The following TRIO variants were observed in gnomAD, a reference collection of about 807,000 sequenced individuals.
The protein encoded by TRIO is trio Rho guanine nucleotide exchange factor.
In TRIO, 58 loss-of-function variants were observed where a neutral mutation model predicts 351.9. That is an observed-to-expected ratio of 0.16 (90% CI 0.13 to 0.21). The LOEUF (loss-of-function observed/expected upper bound fraction) is 0.21, where lower values mean the gene tolerates loss of function less well. Ranked by LOEUF, TRIO falls within the 10% of genes least tolerant of loss-of-function variation. TRIO has a pLI of 1.00. For synonymous variants in TRIO, 1,758 were observed against 1,595.7 expected (o/e 1.10, Z -2.42); for missense variants, 3,201 against 4,027.8 (o/e 0.79, Z 5.56).
chr5:14,288,150 G>A (rs1355958027), intron 4 of TRIO, among the ~76,000 whole-genome samples: 1 of 152,140 alleles, frequency 6.6e-6, no homozygotes, highest in Non-Finnish European at 1.5e-5. Context: ...ACAGTTTATT[G>A]GGTGTTAATT....
chr5:14,261,714 G>A (rs566068668), intron 1 of TRIO, among the ~76,000 whole-genome samples: 2 of 152,338 alleles, frequency 1.3e-5, no homozygotes, highest in South Asian at 2.1e-4. Context: ...GGAGGTGCTG[G>A]AACGACAAGC....
At chr5:14,443,135 CTCTA>C (rs1217551330) in intron 34 of TRIO, among the ~76,000 whole-genome samples, 3 of 151,958 alleles carry the variant, frequency 2.0e-5, no homozygotes, top group Non-Finnish European at 4.4e-5. Context: ...TTTTGTTTCT[CTCTA>C]TATATTTTTG....
At chr5:14,465,672 G>A (rs367877770) in intron 37 of TRIO, 32 bp downstream of exon 37, 5 of 1,610,498 alleles carry the variant, frequency 3.1e-6, no homozygotes, top group Non-Finnish European at 4.2e-6. Flanking sequence ...CTGACTTTTG[G>A]AAGCTGCTCT....
chr5:14,208,498 T>C (rs975797088), intron 1 of TRIO, among the ~76,000 whole-genome samples: 1 of 152,124 alleles, frequency 6.6e-6, no homozygotes, highest in African/African-American at 2.4e-5. Context: ...TGCCTTGGGG[T>C]ATGGGCCGGT....
At chr5:14,468,521 G>A (rs931348795) in intron 37 of TRIO, among the ~76,000 whole-genome samples, 11 of 152,228 alleles carry the variant, frequency 7.2e-5, no homozygotes, top group Admixed American at 4.6e-4. Flanking sequence ...CAGGGAATGC[G>A]ATCTAAATTC....
chr5:14,292,946 C>T (rs1012805578), intron 5 of TRIO, 66 bp from the exon 6 acceptor site: 2 of 1,607,944 alleles, frequency 1.2e-6, no homozygotes, highest in African/African-American at 2.7e-5. Context: ...ACTGCCCCAT[C>T]TGTGGGCTTG....
In TRIO at chr5:14,256,407, C is replaced by G. The variant is rs188070623; in HGVS notation, c.158-14418C>G. 1.1e-4 allele frequency among the ~76,000 whole-genome samples: 16 copies of G among 152,248 alleles called. No individual in the cohort carries two copies. The East Asian group carries it at 3.1e-3, about 29-fold the overall frequency. ...AGGGAACAAAACATCCAAACTATATCAAATGGTTATGCAGAAAGTCCGCAT... is the reference window on the plus strand; with the variant it reads ...AGGGAACAAAACATCCAAACTATATGAAATGGTTATGCAGAAAGTCCGCAT... On this transcript the variant is annotated intron_variant, in intron 1 of 56. Transcript: ENST00000344204.
At chr5:14,316,027 A>AT (rs575242020) in intron 8 of TRIO, among the ~76,000 whole-genome samples, 167 of 152,222 alleles carry the variant, frequency 1.1e-3, no homozygotes, top group Admixed American at 2.1e-3. Flanking sequence ...TGCTAGATTG[A>AT]TTTTTTTGTT....
intron 53 of TRIO, chr5:14,499,319 C>T (rs898402282): frequency 6.6e-6 from 1 of 152,452 alleles, no homozygotes; most frequent in Middle Eastern, 3.1e-3. Flanking sequence ...GGGGCAGAAC[C>T]AATATCTTAG....
intron 9 of TRIO, among the ~76,000 whole-genome samples, chr5:14,323,616 C>T (rs1450040769): frequency 6.6e-6 from 1 of 152,248 alleles, no homozygotes; most frequent in African/African-American, 2.4e-5. Context: ...CTATCTCAGG[C>T]CTCCCTTGCT....
chr5:14,505,268 G>A (rs576746123), intron 55 of TRIO, among the ~76,000 whole-genome samples: 9 of 152,358 alleles, frequency 5.9e-5, no homozygotes, highest in South Asian at 4.1e-4. Context: ...GGGTGAGTCC[G>A]GCAGGGAGCG....
At chr5:14,367,068 A>T in intron 16 of TRIO, 89 bp downstream of exon 16, 1 of 1,555,244 alleles carries the variant, frequency 6.4e-7, no homozygotes, top group Non-Finnish European at 8.7e-7. Flanking sequence ...GACCATGGGA[A>T]CCACATGGGG....
At chr5:14,414,170 C>T (rs1408097760) in intron 33 of TRIO, among the ~76,000 whole-genome samples, 2 of 152,226 alleles carry the variant, frequency 1.3e-5, no homozygotes, top group Non-Finnish European at 2.9e-5. Flanking sequence ...TCCCCGCCCT[C>T]GTTCCCTTTT....
intron 2 of TRIO, among the ~76,000 whole-genome samples, chr5:14,279,641 C>T (rs1046514414): frequency 2.0e-5 from 3 of 152,122 alleles, no homozygotes; most frequent in Non-Finnish European, 2.9e-5. Flanking sequence ...AACAAGAAAT[C>T]GTTCTGCCTG....
chr5:14,364,598 C>A, intron 14 of TRIO, 52 bp from the exon 15 acceptor site: 1 of 1,555,482 alleles, frequency 6.4e-7, no homozygotes, highest in Non-Finnish European at 8.7e-7. Context: ...CCTTTGAGAA[C>A]AGAAGGTTGA....
At chr5:14,414,658 C>A (rs1172409797) in intron 33 of TRIO, among the ~76,000 whole-genome samples, 1 of 152,070 alleles carries the variant, frequency 6.6e-6, no homozygotes, top group Non-Finnish European at 1.5e-5. Flanking sequence ...AGTTTACCGT[C>A]TTCACCATTT....
intron 13 of TRIO, among the ~76,000 whole-genome samples, chr5:14,361,925 C>T (rs949090269): frequency 6.6e-6 from 1 of 152,184 alleles, no homozygotes; most frequent in Non-Finnish European, 1.5e-5. Context: ...CGAGACCAGC[C>T]TGGTCAACAT....
chr5:14,502,526 A>G (rs1757369621), intron 53 of TRIO, 53 bp from the exon 54 acceptor site: 3 of 1,590,914 alleles, frequency 1.9e-6, no homozygotes, highest in Non-Finnish European at 1.7e-6. Context: ...TAGCCTTCTT[A>G]CCCAAGAAGC....
At position 14,368,700 on chromosome 5, in the gene TRIO, G is replaced by A; in HGVS notation, c.2875-8G>A. On this transcript the variant is annotated splice_region_variant and splice_polypyrimidine_tract_variant and intron_variant, in intron 16 of 56. Transcript: ENST00000344204. ...AAATAAGCCTTCCCTTTTGTTCTCT[G>A]TCTCTAGAAAACACATCAGAGCGCG... 6.2e-7 allele frequency: 1 copy of A among 1,607,406 alleles called. No individual in the cohort carries two copies. The highest frequency in any genetic ancestry group is 8.5e-7 in the Non-Finnish European group (1 of 1,174,810).
Sources: allele counts gnomAD v4.1 joint callset (sites outside exome capture counted in the v4.1 genomes callset), GRCh38; gene constraint gnomAD v4.1.1; transcripts MANE v1.5; gene names NCBI Gene and HGNC (gene_info 2026-07-23, HGNC 2026-07-21).